Variants in HIVEP3 observed in about 807,000 individuals in gnomAD.
HIVEP3 encodes the protein transcription factor HIVEP3.
HIVEP3 carries 49 observed loss-of-function variants against 152.8 expected under a neutral mutation model. That is an observed-to-expected ratio of 0.32 (90% CI 0.26 to 0.41). The LOEUF is 0.41. HIVEP3 is among the 10% of genes least tolerant of loss of function. The pLI, the probability that HIVEP3 is intolerant of heterozygous loss-of-function variation, is 1.00. For missense variants in HIVEP3, 2,790 were observed against 3,103.3 expected, an observed-to-expected ratio of 0.90 and a Z score of 2.40; for synonymous variants, 1,269 against 1,289.0, an observed-to-expected ratio of 0.98 and a Z score of 0.33.
At chr1:41,955,527 C>T (rs1471830454) in intron 1 of HIVEP3, among the ~76,000 whole-genome samples, 1 of 152,192 alleles carries the variant, frequency 6.6e-6, no homozygotes, top group Admixed American at 6.5e-5. Flanking sequence ...AAACCAACCA[C>T]AACAATGACC....
At chr1:41,899,733 G>T (rs1346572583) in intron 1 of HIVEP3, among the ~76,000 whole-genome samples, 2 of 152,186 alleles carry the variant, frequency 1.3e-5, no homozygotes, top group Admixed American at 6.5e-5. Flanking sequence ...GCACGCTCAT[G>T]AAAGTGTCAC....
chr1:41,861,976 T>A (rs149227018), intron 1 of HIVEP3, among the ~76,000 whole-genome samples: 2,487 of 152,112 alleles, frequency 0.016, 37 homozygotes, highest in Non-Finnish European at 0.021. Context: ...CTAAAGGGCT[T>A]GGAAACAAAT....
At chr1:41,604,393 T>G (rs1644788663) in intron 3 of HIVEP3, among the ~76,000 whole-genome samples, 1 of 152,158 alleles carries the variant, frequency 6.6e-6, no homozygotes. Flanking sequence ...CTTACAGATA[T>G]AATAATAAGT....
intron 1 of HIVEP3, among the ~76,000 whole-genome samples, chr1:41,956,903 A>G (rs1570843199): frequency 6.6e-6 from 1 of 152,330 alleles, no homozygotes; most frequent in Non-Finnish European, 1.5e-5. Flanking sequence ...GTCTATGCTC[A>G]GAGTGGACAA....
intron 1 of HIVEP3, among the ~76,000 whole-genome samples, chr1:41,859,697 G>A (rs1433733713): frequency 1.3e-5 from 2 of 152,174 alleles, no homozygotes; most frequent in African/African-American, 4.8e-5. Flanking sequence ...CTTCATCTAC[G>A]CTGACTGCTA....
chr1:41,583,315 T>A lies in HIVEP3; in HGVS notation c.1483A>T (p.Ser495Cys), dbSNP rs1644448341. 6.2e-7 allele frequency: 1 copy of A among 1,611,422 alleles called. No homozygotes were observed. The highest frequency in any genetic ancestry group is 8.5e-7 in the Non-Finnish European group (1 of 1,178,874). The change falls in exon 4 of 9, where the codon AGC becomes TGC. Residue 495 changes from serine to cysteine, a missense_variant. Physicochemically the swap from Ser to Cys is moderately radical, Grantham distance 112. Coordinates refer to ENST00000372583, the MANE Select transcript of HIVEP3 (RefSeq NM_024503.5). The surrounding 1 kb of genome is among the most constrained non-coding windows in gnomAD (Gnocchi z 6.9). Reference sequence around the variant, plus strand: ...CTGGATTTTGGGGACTCCATGCTGCTGCGCCTGGACAGTGAGCTCCGCCTT... The same window carrying A: ...CTGGATTTTGGGGACTCCATGCTGCAGCGCCTGGACAGTGAGCTCCGCCTT... ...KPRRSSLSRR[S>C]SMESPKSSLY...
At chr1:41,565,689 C>G (rs1200797936) in intron 5 of HIVEP3, among the ~76,000 whole-genome samples, 1 of 152,158 alleles carries the variant, frequency 6.6e-6, no homozygotes, top group Non-Finnish European at 1.5e-5. Flanking sequence ...GAAACAGAGG[C>G]CAGGATCCAG....
In HIVEP3 at chr1:41,737,293, G is replaced by C. The variant is rs78615223; in HGVS notation, c.-800-36298C>G. Among the ~76,000 whole-genome samples the C allele has an allele frequency of 1.2e-4, 18 of 152,286 alleles. No homozygotes were observed. The East Asian group carries it at 3.5e-3, about 29-fold the overall frequency. ...TGTCTGGGGGACTGATTAAGATACT[G>C]TGTGTGTAAGCAGGCACTTGACCGA... On this transcript the variant is annotated intron_variant, in intron 1 of 8. Transcript: ENST00000372583.
At chr1:41,527,412 ACT>A (rs1365617988) in intron 5 of HIVEP3, among the ~76,000 whole-genome samples, 1 of 111,992 alleles carries the variant, frequency 8.9e-6, no homozygotes, top group Non-Finnish European at 1.8e-5. Context: ...CTGCCCTCAC[ACT>A]CACCTTCACT....
At chr1:41,900,529 AC>A (rs1276429468) in intron 1 of HIVEP3, among the ~76,000 whole-genome samples, 1 of 151,876 alleles carries the variant, frequency 6.6e-6, no homozygotes, top group African/African-American at 2.4e-5. Context: ...CAGACAACGT[AC>A]CCCCTTATTG....
rs148834616 is a variant in HIVEP3 at position 41,686,751 on chromosome 1, A to T, written c.-721+14165T>A. 4.1e-3 allele frequency among the ~76,000 whole-genome samples: 626 copies of T among 152,320 alleles called. 8 individuals carry two copies. Among genetic ancestry groups the T allele is most frequent in the African/African-American group, 0.015 (611 of 41,552 alleles). On this transcript the variant is annotated intron_variant, in intron 2 of 8. Coordinates refer to ENST00000372583, the MANE Select transcript of HIVEP3 (RefSeq NM_024503.5). The stretch of plus-strand genomic sequence containing the variant: ...ACCCCAGAACCCAGGAAGCAGTTCT[A>T]GCTGCTATGAGTCCCTGGTTCTCAT...
chr1:41,560,732 G>A (rs558448398), intron 5 of HIVEP3, among the ~76,000 whole-genome samples: 20 of 152,318 alleles, frequency 1.3e-4, no homozygotes, highest in Middle Eastern at 6.8e-3. Context: ...GAGACTCCAG[G>A]CTGTGGGTAG....
intron 1 of HIVEP3, among the ~76,000 whole-genome samples, chr1:41,784,457 T>C (rs1649228768): frequency 6.6e-6 from 1 of 152,224 alleles, no homozygotes; most frequent in African/African-American, 2.4e-5. Flanking sequence ...TGGTTCACAT[T>C]TGTGGCTTGC....
At chr1:41,698,808 C>A (rs1472496788) in intron 2 of HIVEP3, among the ~76,000 whole-genome samples, 2 of 152,182 alleles carry the variant, frequency 1.3e-5, no homozygotes, top group East Asian at 3.9e-4. Context: ...TCCCTCTCTC[C>A]TGGTCTTCTC....
At chr1:41,709,694 C>T (rs1051226979) in intron 1 of HIVEP3, among the ~76,000 whole-genome samples, 2 of 152,150 alleles carry the variant, frequency 1.3e-5, no homozygotes, top group African/African-American at 4.8e-5. Flanking sequence ...TAATTGGAGT[C>T]TTAGGCAGGG....
chr1:41,510,954 C>T lies in HIVEP3; in HGVS notation c.6718G>A (p.Glu2240Lys). ...SDLTGAREAQERGRWSPTESS... is the reference protein window; with the variant it reads ...SDLTGAREAQKRGRWSPTESS... ...TCAGTGGGACTCCAGCGGCCTCGCT[C>T]CTGGGCCTCCCGGGCCCCTGTCAGG... Residue 2240 changes from glutamate (E) to lysine (K), a missense_variant, in exon 9 of 9, where the codon GAG becomes AAG. Physicochemically the swap from Glu to Lys is moderately conservative, Grantham distance 56. This residue lies in a region of HIVEP3 where 816 missense variants were observed against 806.5 expected (regional missense o/e 1.01). Coordinates refer to ENST00000372583, the MANE Select transcript of HIVEP3 (RefSeq NM_024503.5). 1 of 1,613,602 alleles carries T rather than the reference C, an allele frequency of 6.2e-7. No individual in the cohort carries two copies. The highest frequency in any genetic ancestry group is 8.5e-7 in the Non-Finnish European group (1 of 1,179,878).
chr1:41,878,444 A>G lies in HIVEP3; in HGVS notation c.-801+39969T>C, dbSNP rs76805383. On this transcript the variant is annotated intron_variant, in intron 1 of 8. Coordinates refer to ENST00000372583, the MANE Select transcript of HIVEP3 (RefSeq NM_024503.5). ...CATTTCACAAGAAAAAAAGGGTAAG[A>G]TTATATCTAAACATTTCATTAGCAT... 2.0e-3 allele frequency among the ~76,000 whole-genome samples: 303 copies of G among 152,320 alleles called. 7 individuals are homozygous for G. The East Asian group carries it at 0.047, about 24-fold the overall frequency.
At chr1:41,628,642 A>C in intron 3 of HIVEP3, 107 bp downstream of exon 3, 1 of 873,294 alleles carries the variant, frequency 1.1e-6, no homozygotes, top group Non-Finnish European at 1.5e-6. Context: ...CGATAACACT[A>C]ATAATAACAA....
intron 1 of HIVEP3, among the ~76,000 whole-genome samples, chr1:41,724,202 G>A (rs991963911): frequency 2.0e-5 from 3 of 152,130 alleles, no homozygotes; most frequent in South Asian, 2.1e-4. Flanking sequence ...CACTCCAAAT[G>A]AGCAAACATA....
Sources: gnomAD v4.1 joint callset for allele counts (sites outside exome capture counted in the v4.1 genomes callset) on GRCh38, gnomAD v4.1.1 for gene constraint, gnomAD v4.1.1 regional missense constraint, Gnocchi (gnomAD v3.1) non-coding constraint, MANE v1.5 for transcripts, NCBI Gene and HGNC (gene_info 2026-07-23, HGNC 2026-07-21) for gene names.